RMST: variants seen among roughly 807,000 people sequenced by gnomAD.
RMST encodes long intergenic non-protein coding RNA 54.
intron 10 of RMST, among the ~76,000 whole-genome samples, chr12:97,501,407 A>G (rs1593191378): frequency 6.6e-6 from 1 of 152,360 alleles, no homozygotes; most frequent in East Asian, 1.9e-4. Context: ...CATAACTGAG[A>G]AATGTAGACC....
At chr12:97,540,465 C>T (rs1038807448) in intron 11 of RMST, among the ~76,000 whole-genome samples, 1 of 151,724 alleles carries the variant, frequency 6.6e-6, no homozygotes, top group African/African-American at 2.4e-5. Context: ...TTCATTTGAA[C>T]TTGTTCCCTG....
chr12:97,524,998 A>T (rs1880941414), intron 10 of RMST, among the ~76,000 whole-genome samples: 1 of 152,200 alleles, frequency 6.6e-6, no homozygotes, highest in Non-Finnish European at 1.5e-5. Context: ...AGAGGCCCTT[A>T]GCCCTGGGCA....
chr12:97,546,492 G>T (rs1882939520), intron 11 of RMST, among the ~76,000 whole-genome samples: 1 of 152,020 alleles, frequency 6.6e-6, no homozygotes, highest in South Asian at 2.1e-4. Flanking sequence ...TGAGGCAGGA[G>T]AACTGCTTGA....
intron 5 of RMST, among the ~76,000 whole-genome samples, chr12:97,486,945 G>A (rs190215779): frequency 6.6e-6 from 1 of 152,276 alleles, no homozygotes; most frequent in Non-Finnish European, 1.5e-5. Flanking sequence ...TGAACAAAAG[G>A]GAATGAGAAA....
intron 5 of RMST, among the ~76,000 whole-genome samples, chr12:97,482,643 ATTAT>A (rs201500246): frequency 0.085 from 11,437 of 133,846 alleles, 1,128 homozygotes; most frequent in Non-Finnish European, 0.13. Context: ...TAATTTATTT[ATTAT>A]TTATTTAATA....
chr12:97,551,543 G>T (rs1239256556), intron 11 of RMST, among the ~76,000 whole-genome samples: 1 of 152,132 alleles, frequency 6.6e-6, no homozygotes, highest in Admixed American at 6.5e-5. Context: ...ACTCTTCGCT[G>T]AATAAGTGTA....
chr12:97,468,840 C>A (rs1318594387), intron 5 of RMST, among the ~76,000 whole-genome samples: 17 of 152,004 alleles, frequency 1.1e-4, no homozygotes, highest in Admixed American at 3.9e-4. Context: ...AGAAAGCATT[C>A]ATTTATTCAT....
At chr12:97,555,226 G>C (rs955361378) in intron 11 of RMST, among the ~76,000 whole-genome samples, 4 of 152,010 alleles carry the variant, frequency 2.6e-5, no homozygotes, top group African/African-American at 7.2e-5. Flanking sequence ...CTTTGTATTT[G>C]GAAGAGCTCT....
At chr12:97,550,032 CA>C (rs1243572315) in intron 11 of RMST, among the ~76,000 whole-genome samples, 2 of 152,130 alleles carry the variant, frequency 1.3e-5, no homozygotes, top group Admixed American at 1.3e-4. Context: ...TAGTATCAAT[CA>C]AAAGTTTAAA....
chr12:97,511,111 G>A (rs1331648094), intron 10 of RMST, among the ~76,000 whole-genome samples: 1 of 151,646 alleles, frequency 6.6e-6, no homozygotes, highest in Non-Finnish European at 1.5e-5. Context: ...ATGTTTAGTG[G>A]GCAATTATAA....
rs181303613 is a variant in RMST, at chr12:97,465,163, A to G, written n.585-505A>G. The G allele has an allele frequency of 2.5e-3, 379 of 152,224 alleles. 1 individual carries two copies. The highest frequency in any genetic ancestry group is 3.1e-3 in the Admixed American group (48 of 15,272). 9.4% of individuals were successfully genotyped at this position (152,224 alleles called of 1,614,324 possible). A position where few individuals can be genotyped will look rare whatever the true frequency, so the allele number is the denominator to read the frequency against. Reference sequence around the variant, plus strand: ...AATGCCTGGATTCTGCTGGGGGAGTAAGAAGTCAGGAGTAGTTTGTCTGAT... The same window carrying G: ...AATGCCTGGATTCTGCTGGGGGAGTGAGAAGTCAGGAGTAGTTTGTCTGAT... On this transcript the variant is annotated intron_variant and non_coding_transcript_variant, in intron 4 of 13. Coordinates refer to ENST00000640149, the Ensembl canonical transcript of RMST.
chr12:97,489,682 A>G (rs1876540942), intron 5 of RMST, among the ~76,000 whole-genome samples: 2 of 152,232 alleles, frequency 1.3e-5, no homozygotes, highest in African/African-American at 4.8e-5. Context: ...ATGTGTTAAT[A>G]CTTTCACACT....
intron 11 of RMST, among the ~76,000 whole-genome samples, chr12:97,556,625 C>T (rs1220956576): frequency 6.6e-6 from 1 of 152,166 alleles, no homozygotes; most frequent in East Asian, 1.9e-4. Context: ...TGTTCCCATC[C>T]ATTGCCTCTG....
chr12:97,520,082 G>A (rs79022582), intron 10 of RMST, among the ~76,000 whole-genome samples: 3,069 of 152,222 alleles, frequency 0.02, 104 homozygotes, highest in African/African-American at 0.07. Context: ...GAAAAATGGA[G>A]GTGATTTATT....
rs1451770407 is a variant in RMST, at chr12:97,513,246, G to A, written n.1340+17190G>A. On this transcript the variant is annotated intron_variant and non_coding_transcript_variant, in intron 10 of 13. Transcript: ENST00000640149. Reference sequence around the variant, plus strand: ...CCACCAAAGTGGGAGCCCAGGCAGAGGAGGTGCCGAGAGCAAGCGAGGGCT... The same window carrying A: ...CCACCAAAGTGGGAGCCCAGGCAGAAGAGGTGCCGAGAGCAAGCGAGGGCT... 2.6e-5 allele frequency among the ~76,000 whole-genome samples: 4 copies of A among 152,246 alleles called. No individual in the cohort carries two copies. In the East Asian group the frequency reaches 5.8e-4, roughly 22 times the overall value.
chr12:97,541,665 A>G (rs1882536309), intron 11 of RMST, among the ~76,000 whole-genome samples: 1 of 151,464 alleles, frequency 6.6e-6, no homozygotes, highest in African/African-American at 2.4e-5. Flanking sequence ...TCAGAGATCT[A>G]AATATGGTAA....
intron 6 of RMST, chr12:97,493,046 G>GA (rs1456495598): frequency 2.6e-5 from 4 of 152,388 alleles, no homozygotes; most frequent in Non-Finnish European, 2.9e-5. Context: ...TAATGGCTCA[G>GA]AAAAAATCAA....
chr12:97,535,216 C>G (rs1881978239), intron 11 of RMST, among the ~76,000 whole-genome samples: 1 of 151,672 alleles, frequency 6.6e-6, no homozygotes, highest in East Asian at 1.9e-4. Flanking sequence ...AACTTTCCAA[C>G]TTAATTGGGA....
intron 5 of RMST, among the ~76,000 whole-genome samples, chr12:97,476,603 G>A (rs899664146): frequency 6.6e-6 from 1 of 152,184 alleles, no homozygotes; most frequent in African/African-American, 2.4e-5. Context: ...GGAGCTGATA[G>A]AGCCGAGCTA....
Sources: allele counts gnomAD v4.1 joint callset (sites outside exome capture counted in the v4.1 genomes callset), GRCh38; gene constraint gnomAD v4.1.1; transcripts MANE v1.5; gene names NCBI Gene and HGNC (gene_info 2026-07-23, HGNC 2026-07-21).